The following ADGRG3 variants were observed in gnomAD, a reference collection of about 807,000 sequenced individuals.
ADGRG3 encodes adhesion G protein-coupled receptor G3, also known as G protein-coupled receptor 97.
A neutral mutation model predicts 54.3 loss-of-function variants in ADGRG3; 39 were observed. That is an observed-to-expected ratio of 0.72 (90% CI 0.56 to 0.94). The LOEUF (loss-of-function observed/expected upper bound fraction) is 0.94, where lower values mean the gene tolerates loss of function less well. Among genes scored for constraint, ADGRG3 ranks in the 40% least tolerant of loss-of-function variants. The pLI, the probability that ADGRG3 is intolerant of heterozygous loss-of-function variation, is 0.00. For missense variants in ADGRG3, 654 were observed against 694.6 expected, an observed-to-expected ratio of 0.94 and a Z score of 0.66; for synonymous variants, 312 against 290.0, an observed-to-expected ratio of 1.08 and a Z score of -0.77.
chr16:57,679,272 G>A lies in ADGRG3; in HGVS notation c.588G>A (p.Glu196=). The A allele has an allele frequency of 5.0e-6, 8 of 1,614,028 alleles. No homozygotes were observed. The highest frequency in any genetic ancestry group is 1.1e-5 in the South Asian group (1 of 91,092). ...VGQMHVTKLA[E]PLEIVFSHQR... ...AAATGCATGTCACCAAGCTGGCTGAGCCTCTGGAGATCGTCTTCTCTCACC... is the reference window on the plus strand; with the variant it reads ...AAATGCATGTCACCAAGCTGGCTGAACCTCTGGAGATCGTCTTCTCTCACC... The change falls in exon 5 of 12, where the codon GAG becomes GAA. Residue 196 remains glutamate, a synonymous_variant. Transcript: ENST00000333493.
At chr16:57,678,123 T>G in intron 3 of ADGRG3, 47 bp from the exon 4 acceptor site, 1 of 1,597,670 alleles carries the variant, frequency 6.3e-7, no homozygotes, top group Non-Finnish European at 8.6e-7. Flanking sequence ...GCAGGACTCG[T>G]GTTGGGGGGT....
At chr16:57,688,170 T>C (rs2048510595) in intron 11 of ADGRG3, among the ~76,000 whole-genome samples, 182 bp from the exon 12 acceptor site, 3 of 152,158 alleles carry the variant, frequency 2.0e-5, no homozygotes, top group Non-Finnish European at 2.9e-5. Flanking sequence ...TTTCCAAGAT[T>C]TCGATTTGGT....
chr16:57,684,394 G>C lies in ADGRG3; in HGVS notation c.1167G>C (p.Leu389=), dbSNP rs1296519145. The part of the protein sequence containing the change: ...FLKLSLVGWG[L]PALMVIGTGS... ...GCCATTTCCCCTTGTGCCCAGGCCT[G>C]CCCGCCCTGATGGTCATCGGCACTG... The change falls in exon 10 of 12, where the codon CTG becomes CTC. Residue 389 remains leucine (L), a synonymous_variant. Transcript: ENST00000333493. The C allele has an allele frequency of 6.2e-7, 1 of 1,613,544 alleles. No individual in the cohort carries two copies. Among genetic ancestry groups the C allele is most frequent in the East Asian group, 2.2e-5 (1 of 44,854 alleles).
chr16:57,679,281 G>A lies in ADGRG3; in HGVS notation c.597G>A (p.Glu199=), dbSNP rs1567856620. The part of the protein sequence containing the change: ...MHVTKLAEPL[E]IVFSHQRPPP... ...TCACCAAGCTGGCTGAGCCTCTGGA[G>A]ATCGTCTTCTCTCACCAGCGACCGC... Residue 199 remains glutamate, a synonymous_variant, in exon 5 of 12, where the codon GAG becomes GAA. Transcript: ENST00000333493. The A allele has an allele frequency of 1.5e-5, 25 of 1,614,028 alleles. No individual in the cohort carries two copies. The East Asian group carries it at 5.3e-4, about 35-fold the overall frequency.
chr16:57,687,381 A>T (rs1443275410), intron 11 of ADGRG3, among the ~76,000 whole-genome samples: 1 of 152,016 alleles, frequency 6.6e-6, no homozygotes, highest in Non-Finnish European at 1.5e-5. Context: ...CCTCCTGAGT[A>T]GCTGGAACTA....
chr16:57,672,488 A>C (rs1388290399), intron 1 of ADGRG3, among the ~76,000 whole-genome samples: 1 of 152,248 alleles, frequency 6.6e-6, no homozygotes, highest in Admixed American at 6.5e-5. Flanking sequence ...TTGAACACCT[A>C]CAATGAGCTA....
At chr16:57,678,834 C>A (rs149937242) in intron 4 of ADGRG3, 2 of 386,746 alleles carry the variant, frequency 5.2e-6, no homozygotes, top group South Asian at 2.8e-5. Flanking sequence ...CACGCTAAGA[C>A]CCTCAGGGGC....
At chr16:57,687,234 G>A (rs1965229) in intron 11 of ADGRG3, among the ~76,000 whole-genome samples, 113,237 of 151,602 alleles carry the variant, frequency 0.75, 43,442 homozygotes, top group African/African-American at 0.94. Context: ...GGATAATCCC[G>A]TACTTATCTC....
intron 2 of ADGRG3, among the ~76,000 whole-genome samples, chr16:57,674,131 A>G (rs1446712787): frequency 6.6e-6 from 1 of 152,112 alleles, no homozygotes; most frequent in Non-Finnish European, 1.5e-5. Flanking sequence ...ATGATTGCTC[A>G]GGCTTCAGGG....
intron 8 of ADGRG3, among the ~76,000 whole-genome samples, chr16:57,681,383 TGC>T (rs1555570076): frequency 0.017 from 1,542 of 88,206 alleles, 28 homozygotes; most frequent in African/African-American, 0.078. Context: ...TGTGCGCGCG[TGC>T]GTGCGCGCAG....
intron 5 of ADGRG3, 161 bp from the exon 6 acceptor site, chr16:57,679,655 G>A (rs1318510415): frequency 2.3e-5 from 16 of 711,094 alleles, no homozygotes; most frequent in Non-Finnish European, 3.1e-5. Flanking sequence ...CTCATCAAAT[G>A]GTGCACTTAA....
Position 57,688,691 on chromosome 16 carries a change from T to G in ADGRG3, c.*230T>G, listed in dbSNP as rs1238392057. Reference sequence around the variant, plus strand: ...CAAGGCTCTAAAGTTCCTATAGTCCTGAGACCCCCTGCCAGCAAAGAGTGA... The same window carrying G: ...CAAGGCTCTAAAGTTCCTATAGTCCGGAGACCCCCTGCCAGCAAAGAGTGA... On this transcript the variant is annotated 3_prime_UTR_variant, in exon 12 of 12. Coordinates refer to ENST00000333493, the MANE Select transcript of ADGRG3 (RefSeq NM_170776.5). 4 of 502,548 alleles carry G rather than the reference T, an allele frequency of 8.0e-6. No homozygotes were observed. The highest frequency in any genetic ancestry group is 7.7e-5 in the African/African-American group (4 of 52,026). The allele number at this position is 502,548 out of a possible 1,614,324, so 31.1% of individuals were successfully genotyped here. A position where few individuals can be genotyped will look rare whatever the true frequency, so the allele number is the denominator to read the frequency against.
At chr16:57,684,308 A>T in intron 9 of ADGRG3, 82 bp from the exon 10 acceptor site, 4 of 1,563,504 alleles carry the variant, frequency 2.6e-6, no homozygotes, top group Non-Finnish European at 3.5e-6. Flanking sequence ...CCAGAGCTGG[A>T]GGGATGGCCA....
intron 2 of ADGRG3, 82 bp from the exon 3 acceptor site, chr16:57,676,118 A>G (rs752245294): frequency 1.0e-5 from 14 of 1,339,348 alleles, no homozygotes; most frequent in Non-Finnish European, 1.5e-5. Context: ...AGTTTGGGTC[A>G]GCCCTCTCAC....
intron 1 of ADGRG3, among the ~76,000 whole-genome samples, chr16:57,671,809 C>T (rs1415636420): frequency 1.3e-5 from 2 of 152,040 alleles, no homozygotes; most frequent in Non-Finnish European, 2.9e-5. Context: ...TTGCAATGCC[C>T]ATGGAATGGA....
In ADGRG3 at chr16:57,678,414, G is replaced by A. The variant is rs573515340; in HGVS notation, c.492+98G>A. ...TGGAGCCTGCCGAGGGATCCAATGG[G>A]GACAGAGCAGGCAGTGAGCCTCTTA... is the stretch of plus-strand genomic sequence containing the variant. On this transcript the variant is annotated intron_variant, in intron 4 of 11. Transcript: ENST00000333493. 4 of 1,210,802 alleles carry A rather than the reference G, an allele frequency of 3.3e-6. No homozygotes were observed. In the African/African-American group the frequency reaches 4.5e-5, roughly 14 times the overall value. The allele number at this position is 1,210,802 out of a possible 1,614,324, so 75.0% of individuals were successfully genotyped here.
rs1054770718 is a variant in ADGRG3 at position 57,685,811 on chromosome 16, G to A, written c.1425G>A (p.Lys475=). The change falls in exon 11 of 12, where the codon AAG becomes AAA. Residue 475 remains lysine, a synonymous_variant. Coordinates refer to ENST00000333493, the MANE Select transcript of ADGRG3 (RefSeq NM_170776.5). ...AVKERGKNRK[K]VLTLLGLSSL... The stretch of plus-strand genomic sequence containing the variant: ...AGGAGCGGGGGAAGAACCGGAAGAA[G>A]GTGCTCACCCTGCTGGGCCTCTCGA... 14 of 1,614,238 alleles carry A rather than the reference G, an allele frequency of 8.7e-6. No homozygotes were observed. The highest frequency in any genetic ancestry group is 1.2e-5 in the Non-Finnish European group (14 of 1,180,044).
intron 11 of ADGRG3, 146 bp downstream of exon 11, chr16:57,686,072 A>G: frequency 2.4e-6 from 2 of 838,492 alleles, no homozygotes; most frequent in South Asian, 1.7e-5. Flanking sequence ...ACTCAGAGCA[A>G]GGATCCAGGG....
At chr16:57,679,660 A>G in intron 5 of ADGRG3, 156 bp from the exon 6 acceptor site, 1 of 720,528 alleles carries the variant, frequency 1.4e-6, no homozygotes. Context: ...CAAATGGTGC[A>G]CTTAATTTTT....
Sources: gnomAD v4.1 joint callset for allele counts (sites outside exome capture counted in the v4.1 genomes callset) on GRCh38, gnomAD v4.1.1 for gene constraint, MANE v1.5 for transcripts, NCBI Gene and HGNC (gene_info 2026-07-23, HGNC 2026-07-21) for gene names.